The following STK3 variants were observed in gnomAD, a reference collection of about 807,000 sequenced individuals.
STK3 encodes serine/threonine-protein kinase 3.
Under a neutral mutation model 58.0 loss-of-function variants are expected in STK3, and 41 were observed. The ratio of observed to expected loss-of-function variants is 0.71; its 90% CI spans 0.55 to 0.92. The LOEUF is 0.92. Among genes scored for constraint, STK3 ranks in the 40% least tolerant of loss-of-function variants. The pLI, the probability that STK3 is intolerant of heterozygous loss-of-function variation, is 0.00. For missense variants in STK3, 479 were observed against 602.7 expected, an observed-to-expected ratio of 0.79 and a Z score of 2.15; for synonymous variants, 170 against 191.0, an observed-to-expected ratio of 0.89 and a Z score of 0.91.
chr8:98,601,030 A>AT lies in STK3; in HGVS notation c.685-4862dup, dbSNP rs1313751612. 4.6e-5 allele frequency among the ~76,000 whole-genome samples: 7 copies of AT among 151,662 alleles called. No homozygotes were observed. In the East Asian group the frequency reaches 7.7e-4, roughly 17 times the overall value. On this transcript the variant is annotated intron_variant, in intron 6 of 10. Transcript: ENST00000419617. ...TTATTTTTACTATGATGGTTTTTAA[A>AT]TTTTTTTTTACTTTTAAAAATTATA...
chr8:98,581,933 C>A, intron 7 of STK3, among the ~76,000 whole-genome samples: 1 of 152,128 alleles, frequency 6.6e-6, no homozygotes, highest in South Asian at 2.1e-4. Context: ...ATCTGTCCAG[C>A]GGCAGAAATG....
chr8:98,447,714 T>C (rs1563611905), intron 1 of STK3, among the ~76,000 whole-genome samples: 2 of 147,876 alleles, frequency 1.4e-5, no homozygotes, highest in Non-Finnish European at 3.0e-5. Context: ...TATCTATATA[T>C]TGCAATACAT....
intron 8 of STK3, among the ~76,000 whole-genome samples, chr8:98,562,737 G>GAAAAAATAAAAAA (rs1812151949): frequency 5.7e-5 from 1 of 17,406 alleles, no homozygotes; most frequent in African/African-American, 2.9e-4. Context: ...CACAAAAAAT[G>GAAAAAATAAAAAA]AAAAAAAAAA....
intron 6 of STK3, among the ~76,000 whole-genome samples, chr8:98,662,972 A>C (rs1822074916): frequency 6.6e-6 from 1 of 152,220 alleles, no homozygotes; most frequent in Non-Finnish European, 1.5e-5. Context: ...GGCATGGGCA[A>C]GGACTTCACG....
At chr8:98,360,960 C>T in the STK3 span, among the ~76,000 whole-genome samples, 2 of 152,196 alleles carry the variant, frequency 1.3e-5, no homozygotes, top group Admixed American at 6.5e-5. Flanking sequence ...GTTCAGTTCA[C>T]TCTCTTCAAC....
intron 1 of STK3, among the ~76,000 whole-genome samples, chr8:98,886,659 G>C (rs1167280109): frequency 6.6e-6 from 1 of 152,126 alleles, no homozygotes; most frequent in Non-Finnish European, 1.5e-5. Context: ...AAAATATTGT[G>C]CCCAGAAAAA....
At chr8:98,599,756 G>C (rs533647331) in intron 6 of STK3, among the ~76,000 whole-genome samples, 104 of 152,216 alleles carry the variant, frequency 6.8e-4, no homozygotes, top group African/African-American at 2.3e-3. Flanking sequence ...TGGATCACCT[G>C]AGGCCAGGAG....
intron 6 of STK3, among the ~76,000 whole-genome samples, chr8:98,663,676 G>C (rs1563864712): frequency 6.6e-6 from 1 of 152,162 alleles, no homozygotes; most frequent in Non-Finnish European, 1.5e-5. Context: ...ATACACCATG[G>C]AATACTATGC....
chr8:98,412,260 G>C (rs949910341), intron 3 of STK3, among the ~76,000 whole-genome samples: 5 of 152,142 alleles, frequency 3.3e-5, no homozygotes, highest in African/African-American at 1.2e-4. Context: ...ACTGTCTCTA[G>C]GGCAGTGAGG....
At chr8:98,856,098 T>G (rs914308402) in intron 3 of STK3, among the ~76,000 whole-genome samples, 1 of 127,186 alleles carries the variant, frequency 7.9e-6, no homozygotes, top group Non-Finnish European at 1.6e-5. Context: ...GAGGTTGCAG[T>G]GGGCCGAGAT....
intron 10 of STK3, among the ~76,000 whole-genome samples, chr8:98,478,778 T>C (rs10955177): frequency 0.46 from 70,654 of 151,964 alleles, 16,601 homozygotes; most frequent in Admixed American, 0.56. Flanking sequence ...AAAGGTGGCA[T>C]AGGTGGCTCC....
intron 3 of STK3, among the ~76,000 whole-genome samples, chr8:98,848,279 C>A (rs1836290330): frequency 6.6e-6 from 1 of 150,782 alleles, no homozygotes; most frequent in South Asian, 2.1e-4. Flanking sequence ...CAGAGTTTCG[C>A]TCTTGTTGCC....
chr8:98,420,045 T>C (rs895640847), intron 3 of STK3, among the ~76,000 whole-genome samples: 1 of 152,192 alleles, frequency 6.6e-6, no homozygotes, highest in African/African-American at 2.4e-5. Context: ...CAAGAAATCA[T>C]TGTTTTCTAG....
At chr8:98,640,501 T>C (rs1819944306) in intron 6 of STK3, among the ~76,000 whole-genome samples, 1 of 152,202 alleles carries the variant, frequency 6.6e-6, no homozygotes, top group Non-Finnish European at 1.5e-5. Context: ...GGGTTCCTAA[T>C]ATTCAATTAA....
At chr8:98,695,562 T>C (rs1204756266) in intron 6 of STK3, among the ~76,000 whole-genome samples, 2 of 152,242 alleles carry the variant, frequency 1.3e-5, no homozygotes, top group Admixed American at 6.5e-5. Context: ...GCTTTCTACA[T>C]ATGGCTAGCC....
At chr8:98,887,409 CA>C (rs1329423152) in intron 1 of STK3, among the ~76,000 whole-genome samples, 3 of 152,034 alleles carry the variant, frequency 2.0e-5, no homozygotes, top group African/African-American at 7.2e-5. Flanking sequence ...ATCCAAAATC[CA>C]AAACACTTCT....
chr8:98,905,419 T>G, intron 1 of STK3: 1 of 1,292,242 alleles, frequency 7.7e-7, no homozygotes, highest in African/African-American at 1.5e-5. Context: ...GTGGGACTGA[T>G]GTTACCCACG....
chr8:98,375,906 A>C (rs1043560216), intron 2 of STK3, among the ~76,000 whole-genome samples: 5 of 152,226 alleles, frequency 3.3e-5, no homozygotes, highest in African/African-American at 1.2e-4. Context: ...GTTTTTGTGT[A>C]TGCATACATT....
intron 1 of STK3, among the ~76,000 whole-genome samples, chr8:98,916,212 C>T (rs1389199317): frequency 1.3e-5 from 2 of 152,072 alleles, no homozygotes; most frequent in Non-Finnish European, 2.9e-5. Context: ...GTCAGGAGTT[C>T]GAGACCAGCC....
Sources: allele counts gnomAD v4.1 joint callset (sites outside exome capture counted in the v4.1 genomes callset), GRCh38; gene constraint gnomAD v4.1.1; transcripts MANE v1.5; gene names NCBI Gene and HGNC (gene_info 2026-07-23, HGNC 2026-07-21).